RBFOX1: variants seen among roughly 807,000 people sequenced by gnomAD.
The protein encoded by RBFOX1 is RNA binding protein fox-1 homolog 1.
In RBFOX1, 8 loss-of-function variants were observed where a neutral mutation model predicts 57.7. The ratio of observed to expected loss-of-function variants is 0.14; its 90% confidence interval spans 0.08 to 0.25. The LOEUF (loss-of-function observed/expected upper bound fraction) is 0.25, where lower values mean the gene tolerates loss of function less well. RBFOX1 is among the 10% of genes least tolerant of loss of function. The pLI is 1.00. For synonymous variants in RBFOX1, 326 were observed against 222.4 expected (o/e 1.47, Z -4.15); for missense variants, 611 against 548.5 (o/e 1.11, Z -1.14).
chr16:6,697,311 G>C (rs970693348), intron 3 of RBFOX1, among the ~76,000 whole-genome samples: 1 of 152,028 alleles, frequency 6.6e-6, no homozygotes, highest in Non-Finnish European at 1.5e-5. Context: ...CTTGACTTTG[G>C]TCACTAAGCT....
At chr16:5,331,122 G>A (rs180787287) in intron 1 of RBFOX1, among the ~76,000 whole-genome samples, 8 of 152,238 alleles carry the variant, frequency 5.3e-5, no homozygotes, top group African/African-American at 1.9e-4. Flanking sequence ...CATTACCATG[G>A]AGCATTTTTG....
In RBFOX1 at chr16:5,521,433, A is replaced by G. The variant is rs566030298; in HGVS notation, c.258+54179A>G. Among the ~76,000 whole-genome samples, 52 of 152,306 alleles carry G rather than the reference A, an allele frequency of 3.4e-4. No individual in the cohort carries two copies. In the South Asian group the frequency reaches 9.9e-3, roughly 29 times the overall value. ...ACATTTGATTTTAGGATCCCAAATC[A>G]TTTCTTAGAAGGCTGTGGCACATAT... On this transcript the variant is annotated intron_variant, in intron 2 of 2. Transcript: ENST00000585867.
chr16:6,963,308 T>A (rs893967179), intron 3 of RBFOX1, among the ~76,000 whole-genome samples: 2 of 152,184 alleles, frequency 1.3e-5, no homozygotes, highest in Admixed American at 1.3e-4. Context: ...GTTGCTCTTG[T>A]TGTTTTAAAA....
intron 2 of RBFOX1, among the ~76,000 whole-genome samples, chr16:6,578,612 T>TGTGTGTGTGTGTGTGTGTGTGTGG (rs373655762): frequency 9.7e-4 from 142 of 147,112 alleles, no homozygotes; most frequent in South Asian, 6.2e-3. Flanking sequence ...TGTGTGTGTG[T>TGTGTGTGTGTGTGTGTGTGTGTGG]GAGCATGGGA....
At chr16:7,281,635 T>A (rs2095545646) in intron 4 of RBFOX1, among the ~76,000 whole-genome samples, 1 of 151,990 alleles carries the variant, frequency 6.6e-6, no homozygotes, top group Non-Finnish European at 1.5e-5. Context: ...CTTCATGGGG[T>A]TCTAGTCTAG....
At chr16:5,934,587 G>T (rs7192606) in intron 4 of RBFOX1, among the ~76,000 whole-genome samples, 47,066 of 152,052 alleles carry the variant, frequency 0.31, 7,471 homozygotes, top group Middle Eastern at 0.48. Flanking sequence ...TGTTTTAAAA[G>T]AGAAGAGGAT....
intron 4 of RBFOX1, among the ~76,000 whole-genome samples, chr16:7,279,579 G>A (rs1393923558): frequency 2.0e-5 from 3 of 152,188 alleles, no homozygotes; most frequent in African/African-American, 7.2e-5. Flanking sequence ...TATAGCCAGG[G>A]CCACGTTAGA....
At chr16:5,423,451 T>C (rs188031535) in intron 1 of RBFOX1, among the ~76,000 whole-genome samples, 1 of 152,282 alleles carries the variant, frequency 6.6e-6, no homozygotes, top group Admixed American at 6.5e-5. Flanking sequence ...GTGATATCCC[T>C]TTATCCTGGC....
chr16:7,648,578 A>G (rs1175879402), intron 11 of RBFOX1, among the ~76,000 whole-genome samples: 2 of 152,214 alleles, frequency 1.3e-5, no homozygotes, highest in Non-Finnish European at 2.9e-5. Flanking sequence ...GTCATAAGTC[A>G]GAAGAGTTTG....
At chr16:7,277,274 C>T (rs975304421) in intron 4 of RBFOX1, among the ~76,000 whole-genome samples, 1 of 152,002 alleles carries the variant, frequency 6.6e-6, no homozygotes, top group East Asian at 1.9e-4. Context: ...TTTTCAGAAG[C>T]AAAATATCAT....
chr16:6,341,307 T>G (rs2084536796), intron 2 of RBFOX1, among the ~76,000 whole-genome samples: 1 of 152,146 alleles, frequency 6.6e-6, no homozygotes, highest in Non-Finnish European at 1.5e-5. Flanking sequence ...AATGGCAGGT[T>G]GAGTCTCTTT....
intron 3 of RBFOX1, among the ~76,000 whole-genome samples, chr16:6,770,116 G>A (rs1451081166): frequency 6.6e-6 from 1 of 152,202 alleles, no homozygotes; most frequent in Non-Finnish European, 1.5e-5. Flanking sequence ...CAAGGAACTT[G>A]TATTAAGCAG....
chr16:6,901,410 G>T (rs1042708424), intron 3 of RBFOX1, among the ~76,000 whole-genome samples: 1 of 152,096 alleles, frequency 6.6e-6, no homozygotes, highest in South Asian at 2.1e-4. Flanking sequence ...ACTACCTTTG[G>T]GGAAGACAAT....
At chr16:7,184,638 C>G (rs1263179775) in intron 4 of RBFOX1, among the ~76,000 whole-genome samples, 2 of 151,938 alleles carry the variant, frequency 1.3e-5, no homozygotes, top group Non-Finnish European at 2.9e-5. Context: ...TCACAGTATA[C>G]CATGCTTGAT....
intron 4 of RBFOX1, among the ~76,000 whole-genome samples, chr16:7,063,148 T>C (rs2055005950): frequency 6.6e-6 from 1 of 152,000 alleles, no homozygotes; most frequent in Admixed American, 6.6e-5. Context: ...GCTCTTGGTT[T>C]AGGGCACACG....
chr16:6,032,886 T>C (rs1330590641), intron 1 of RBFOX1, among the ~76,000 whole-genome samples: 1 of 148,414 alleles, frequency 6.7e-6, no homozygotes, highest in Non-Finnish European at 1.5e-5. Context: ...GTGTAAGTTT[T>C]TTTTTTTTTT....
chr16:5,426,928 C>T (rs1163567339), intron 1 of RBFOX1, among the ~76,000 whole-genome samples: 1 of 152,208 alleles, frequency 6.6e-6, no homozygotes, highest in Non-Finnish European at 1.5e-5. Flanking sequence ...CTGTAGTCAC[C>T]TGCCCAAGAT....
chr16:6,643,104 T>C (rs558064905), intron 2 of RBFOX1, among the ~76,000 whole-genome samples: 36 of 152,206 alleles, frequency 2.4e-4, no homozygotes, highest in Non-Finnish European at 5.0e-4. Flanking sequence ...AATGATCACA[T>C]TCCTAGTAAG....
At chr16:6,073,089 A>G (rs968835733) in intron 1 of RBFOX1, among the ~76,000 whole-genome samples, 1 of 152,206 alleles carries the variant, frequency 6.6e-6, no homozygotes, top group Non-Finnish European at 1.5e-5. Flanking sequence ...ATTTGCATCT[A>G]ATGAATTTCT....
Sources: gnomAD v4.1 joint callset for allele counts (sites outside exome capture counted in the v4.1 genomes callset) on GRCh38, gnomAD v4.1.1 for gene constraint, MANE v1.5 for transcripts, NCBI Gene and HGNC (gene_info 2026-07-23, HGNC 2026-07-21) for gene names.